MLLT3: variants seen among roughly 807,000 people sequenced by gnomAD.
MLLT3 encodes the protein MLLT3 super elongation complex subunit.
In MLLT3, 4 loss-of-function variants were observed where a neutral mutation model predicts 53.2. The observed-to-expected ratio is 0.08, with a 90% CI of 0.04 to 0.17. MLLT3 has a LOEUF of 0.17. Among genes scored for constraint, MLLT3 ranks in the 10% least tolerant of loss-of-function variants. The pLI is 1.00. For synonymous variants in MLLT3, 283 were observed against 230.6 expected, an observed-to-expected ratio of 1.23 and a Z score of -2.06; for missense variants, 569 against 684.0, an observed-to-expected ratio of 0.83 and a Z score of 1.87.
intron 2 of MLLT3, among the ~76,000 whole-genome samples, chr9:20,499,727 A>G (rs778518807): frequency 6.6e-6 from 1 of 152,196 alleles, no homozygotes; most frequent in Admixed American, 6.5e-5. Context: ...GTACATGAAG[A>G]AAAAAACTTG....
chr9:20,403,826 T>G, intron 5 of MLLT3, among the ~76,000 whole-genome samples: 1 of 152,278 alleles, frequency 6.6e-6, no homozygotes, highest in Non-Finnish European at 1.5e-5. Context: ...AAACTTTTTT[T>G]TGTTTTTCAG....
chr9:20,455,395 G>C (rs1823940264), intron 3 of MLLT3, among the ~76,000 whole-genome samples: 1 of 152,216 alleles, frequency 6.6e-6, no homozygotes, highest in South Asian at 2.1e-4. Context: ...CAGTGGAAGG[G>C]ATTGCACATT....
intron 4 of MLLT3, among the ~76,000 whole-genome samples, chr9:20,439,360 A>C (rs992743469): frequency 1.3e-5 from 2 of 151,934 alleles, no homozygotes; most frequent in African/African-American, 4.8e-5. Context: ...CATCTCAAAA[A>C]CAAAAACAAA....
chr9:20,415,013 G>C (rs1269306927), intron 4 of MLLT3, among the ~76,000 whole-genome samples: 1 of 152,118 alleles, frequency 6.6e-6, no homozygotes, highest in Non-Finnish European at 1.5e-5. Flanking sequence ...CCCAGCTATA[G>C]AACAAGATTG....
Position 20,612,766 on chromosome 9 carries a change from C to T in MLLT3, c.193+7888G>A, listed in dbSNP as rs370588395. On this transcript the variant is annotated intron_variant, in intron 2 of 10. Coordinates refer to ENST00000380338, the MANE Select transcript of MLLT3 (RefSeq NM_004529.4). ...AACAAAAAGATACCAAATTTCAACTCTGAAAAATAGGAAATATTAAAATAG... is the reference window on the plus strand; with the variant it reads ...AACAAAAAGATACCAAATTTCAACTTTGAAAAATAGGAAATATTAAAATAG... Among the ~76,000 whole-genome samples, 3 of 152,110 alleles carry T rather than the reference C, an allele frequency of 2.0e-5. No homozygotes were observed. In the East Asian group the frequency reaches 5.8e-4, roughly 29 times the overall value.
intron 2 of MLLT3, among the ~76,000 whole-genome samples, chr9:20,598,972 C>T (rs1164345548): frequency 6.6e-6 from 1 of 152,096 alleles, no homozygotes; most frequent in East Asian, 1.9e-4. Context: ...AAGAGATGTG[C>T]CAAATTTCCA....
intron 2 of MLLT3, among the ~76,000 whole-genome samples, chr9:20,498,995 G>C (rs953584064): frequency 6.6e-6 from 1 of 152,216 alleles, no homozygotes; most frequent in South Asian, 2.1e-4. Flanking sequence ...CAAAGTGTCA[G>C]TAGGGCCATA....
At position 20,343,561 on chromosome 9, in the gene MLLT3, G is replaced by C. The variant is rs1820793578; in HGVS notation, c.*2882C>G. On this transcript the variant is annotated 3_prime_UTR_variant, in exon 11 of 11. Coordinates refer to ENST00000380338, the MANE Select transcript of MLLT3 (RefSeq NM_004529.4). ...CAACACACATCCTGCTGCAAAACCA[G>C]AGGCAAAAGCTAAGTTATAAGGGGG... 4.4e-6 allele frequency: 1 copy of C among 229,690 alleles called. No homozygotes were observed. The highest frequency in any genetic ancestry group is 1.8e-4 in the South Asian group (1 of 5,494). 14.2% of individuals were successfully genotyped at this position (229,690 alleles called of 1,614,324 possible).
intron 2 of MLLT3, among the ~76,000 whole-genome samples, chr9:20,459,617 T>C (rs1289529256): frequency 1.3e-5 from 2 of 152,234 alleles, no homozygotes; most frequent in Non-Finnish European, 2.9e-5. Flanking sequence ...TGATCCTCTA[T>C]ATACCCTTTA....
rs943393667 is a variant in MLLT3 at position 20,448,042 on chromosome 9, T to C, written c.420+81A>G. 7 of 1,461,670 alleles carry C rather than the reference T, an allele frequency of 4.8e-6. No individual in the cohort carries two copies. The highest frequency in any genetic ancestry group is 1.8e-4 in the Middle Eastern group (1 of 5,592). 90.5% of individuals were successfully genotyped at this position (1,461,670 alleles called of 1,614,324 possible). A position where few individuals can be genotyped will look rare whatever the true frequency, so the allele number is the denominator to read the frequency against. On this transcript the variant is annotated intron_variant, in intron 4 of 10. Transcript: ENST00000380338. This position sits in a 1 kb window ranked among gnomAD's most constrained non-coding sequence, Gnocchi z 4.0. The stretch of plus-strand genomic sequence containing the variant: ...CCAAAACCTTATACTTTTTAACACA[T>C]GAGGAACTAGTTTGTTTGTTTTTTT...
intron 2 of MLLT3, among the ~76,000 whole-genome samples, chr9:20,530,236 G>A (rs1029665294): frequency 6.6e-6 from 1 of 152,134 alleles, no homozygotes; most frequent in African/African-American, 2.4e-5. Context: ...GATTAGACCA[G>A]GAAGTCATAC....
In MLLT3 at chr9:20,621,729, C is replaced by T; in HGVS notation, c.12+516G>A. The T allele has an allele frequency of 6.7e-7, 1 of 1,486,866 alleles. No homozygotes were observed. Among genetic ancestry groups the T allele is most frequent in the Non-Finnish European group, 8.9e-7 (1 of 1,123,092 alleles). The allele number at this position is 1,486,866 out of a possible 1,614,324, so 92.1% of individuals were successfully genotyped here. A position where few individuals can be genotyped will look rare whatever the true frequency, so the allele number is the denominator to read the frequency against. On this transcript the variant is annotated intron_variant, in intron 1 of 10. Coordinates refer to ENST00000380338, the MANE Select transcript of MLLT3 (RefSeq NM_004529.4). The surrounding 1 kb of genome is among the most constrained non-coding windows in gnomAD (Gnocchi z 7.0). ...TTGCGTGCGGCCCCGCCGCTGTCAGCCCCGCACACTTCGGCTCACACACGC... is the reference window on the plus strand; with the variant it reads ...TTGCGTGCGGCCCCGCCGCTGTCAGTCCCGCACACTTCGGCTCACACACGC...
intron 4 of MLLT3, among the ~76,000 whole-genome samples, chr9:20,438,474 G>A (rs1823462014): frequency 6.6e-6 from 1 of 152,182 alleles, no homozygotes; most frequent in Non-Finnish European, 1.5e-5. Context: ...CTGTAGTGCA[G>A]TAACAGAAAT....
intron 2 of MLLT3, among the ~76,000 whole-genome samples, chr9:20,608,978 G>T (rs183976680): frequency 6.6e-6 from 1 of 151,976 alleles, no homozygotes; most frequent in Non-Finnish European, 1.5e-5. Flanking sequence ...GGGTAAAGAT[G>T]AACAAATCTA....
At position 20,344,614 on chromosome 9, in the gene MLLT3, T is replaced by G; in HGVS notation, c.*1829A>C. The G allele has an allele frequency of 4.8e-6, 1 of 210,498 alleles. No individual in the cohort carries two copies. The highest frequency in any genetic ancestry group is 9.7e-6 in the Non-Finnish European group (1 of 103,464). 13.0% of individuals were successfully genotyped at this position (210,498 alleles called of 1,614,324 possible). A position where few individuals can be genotyped will look rare whatever the true frequency, so the allele number is the denominator to read the frequency against. On this transcript the variant is annotated 3_prime_UTR_variant, in exon 11 of 11. Transcript: ENST00000380338. ...TAACATTATTGAGAAAGTACACTTG[T>G]CCTCTGGGAGGACGCTTCAGAGAAA...
chr9:20,440,779 C>T (rs1823527968), intron 4 of MLLT3, among the ~76,000 whole-genome samples: 1 of 152,176 alleles, frequency 6.6e-6, no homozygotes, highest in Non-Finnish European at 1.5e-5. Flanking sequence ...TCTGAAACTT[C>T]TCCCAACATT....
Position 20,344,178 on chromosome 9 carries a change from A to T in MLLT3, c.*2265T>A, listed in dbSNP as rs1447995297. 5.1e-6 allele frequency: 1 copy of T among 196,142 alleles called. No individual in the cohort carries two copies. The highest frequency in any genetic ancestry group is 8.1e-5 in the East Asian group (1 of 12,346). 12.2% of individuals were successfully genotyped at this position (196,142 alleles called of 1,614,324 possible). Reference sequence around the variant, plus strand: ...TTCTTATCATTATTTTTGTTTGGTCATTTCTTATCTTACCTAGCTTCTTGG... The same window carrying T: ...TTCTTATCATTATTTTTGTTTGGTCTTTTCTTATCTTACCTAGCTTCTTGG... On this transcript the variant is annotated 3_prime_UTR_variant, in exon 11 of 11. Coordinates refer to ENST00000380338, the MANE Select transcript of MLLT3 (RefSeq NM_004529.4).
intron 5 of MLLT3, among the ~76,000 whole-genome samples, chr9:20,372,901 AGAT>A (rs1372287639): frequency 6.6e-6 from 1 of 152,178 alleles, no homozygotes; most frequent in Non-Finnish European, 1.5e-5. Context: ...CACACTTAAT[AGAT>A]TACCATATAG....
intron 5 of MLLT3, among the ~76,000 whole-genome samples, chr9:20,366,165 C>T (rs961822918): frequency 2.0e-5 from 3 of 152,154 alleles, no homozygotes; most frequent in African/African-American, 4.8e-5. Flanking sequence ...CCATCATCTA[C>T]GTTAGGTATT....
Sources: gnomAD v4.1 joint callset for allele counts (sites outside exome capture counted in the v4.1 genomes callset) on GRCh38, gnomAD v4.1.1 for gene constraint, Gnocchi (gnomAD v3.1) non-coding constraint, MANE v1.5 for transcripts, NCBI Gene and HGNC (gene_info 2026-07-23, HGNC 2026-07-21) for gene names.